The following TMEM131 variants were observed in gnomAD, a reference collection of about 807,000 sequenced individuals.
TMEM131 encodes transmembrane protein 131.
Under a neutral mutation model 211.6 loss-of-function variants are expected in TMEM131, and 66 were observed. That is an observed-to-expected ratio of 0.31 (90% CI 0.26 to 0.38). The LOEUF is 0.38. Ranked by LOEUF, TMEM131 falls within the 10% of genes least tolerant of loss-of-function variation. The probability of loss-of-function intolerance (pLI) is 1.00; values close to 1 mark genes in which losing one functional copy is unlikely to be tolerated. For missense variants in TMEM131, 2,036 were observed against 2,299.3 expected, an observed-to-expected ratio of 0.89 and a Z score of 2.34; for synonymous variants, 844 against 841.3, an observed-to-expected ratio of 1.00 and a Z score of -0.06.
intron 25 of TMEM131, 66 bp downstream of exon 25, chr2:97,801,829 T>C: frequency 1.6e-6 from 2 of 1,221,742 alleles, no homozygotes; most frequent in South Asian, 1.6e-5. Flanking sequence ...ATAATTTTCT[T>C]TCATATTTAT....
chr2:97,848,948 A>G (rs944537337), intron 5 of TMEM131, among the ~76,000 whole-genome samples: 1 of 152,170 alleles, frequency 6.6e-6, no homozygotes, highest in Non-Finnish European at 1.5e-5. Context: ...CACATAAGGA[A>G]CTCTCACGAA....
At chr2:97,956,827 G>T (rs896627162) in intron 1 of TMEM131, among the ~76,000 whole-genome samples, 4 of 152,008 alleles carry the variant, frequency 2.6e-5, no homozygotes, top group African/African-American at 9.6e-5. Flanking sequence ...GGCTGGGCAC[G>T]GTGGCTCACG....
intron 4 of TMEM131, among the ~76,000 whole-genome samples, chr2:97,863,553 G>GA (rs371494667): frequency 2.3e-4 from 35 of 152,142 alleles, no homozygotes; most frequent in East Asian, 1.5e-3. Flanking sequence ...GACTCTAAAG[G>GA]AAAAAATCTA....
chr2:97,970,249 C>T (rs1483691856), intron 1 of TMEM131, among the ~76,000 whole-genome samples: 4 of 152,068 alleles, frequency 2.6e-5, no homozygotes, highest in Admixed American at 6.5e-5. Flanking sequence ...TCCCCTTGGC[C>T]CCAAGGAACT....
intron 31 of TMEM131, among the ~76,000 whole-genome samples, chr2:97,790,033 A>G (rs1368704560): frequency 6.6e-6 from 1 of 152,190 alleles, no homozygotes; most frequent in African/African-American, 2.4e-5. Context: ...GAAACTACAT[A>G]AGCTCATTAT....
intron 1 of TMEM131, among the ~76,000 whole-genome samples, chr2:97,970,026 T>C (rs1001348937): frequency 6.6e-6 from 1 of 152,208 alleles, no homozygotes; most frequent in Non-Finnish European, 1.5e-5. Context: ...AGAATGACTG[T>C]TATAGTACTG....
At chr2:97,988,417 T>C (rs1680122744) in intron 1 of TMEM131, among the ~76,000 whole-genome samples, 1 of 152,190 alleles carries the variant, frequency 6.6e-6, no homozygotes, top group African/African-American at 2.4e-5. Flanking sequence ...ATCTTGGATA[T>C]GACACCAAAA....
Position 97,811,023 on chromosome 2 carries a change from A to T in TMEM131, c.1968+105T>A. 2.4e-6 allele frequency: 2 copies of T among 818,802 alleles called. 1 individual carries two copies. Among genetic ancestry groups the T allele is most frequent in the South Asian group, 3.1e-5 (2 of 64,360 alleles). The allele number at this position is 818,802 out of a possible 1,614,324, so 50.7% of individuals were successfully genotyped here. A position where few individuals can be genotyped will look rare whatever the true frequency, so the allele number is the denominator to read the frequency against. Reference sequence around the variant, plus strand: ...TCAGTTTTTAAGGTATGAAACTGGTAAACTGTAACTCTGAGTAAACTTAAT... The same window carrying T: ...TCAGTTTTTAAGGTATGAAACTGGTTAACTGTAACTCTGAGTAAACTTAAT... On this transcript the variant is annotated intron_variant, in intron 18 of 40. Transcript: ENST00000186436.
chr2:97,823,220 C>A (rs762340869), intron 11 of TMEM131, among the ~76,000 whole-genome samples: 4 of 152,046 alleles, frequency 2.6e-5, no homozygotes, highest in Non-Finnish European at 5.9e-5. Context: ...CAGAAGGAAA[C>A]AAGCAAAGAA....
intron 8 of TMEM131, 125 bp from the exon 9 acceptor site, chr2:97,835,050 G>T: frequency 2.1e-6 from 2 of 968,782 alleles, no homozygotes; most frequent in South Asian, 2.0e-5. Flanking sequence ...TAAAAAAAAT[G>T]CATTGCTAAT....
intron 1 of TMEM131, among the ~76,000 whole-genome samples, chr2:97,972,160 A>G (rs949863461): frequency 5.9e-5 from 9 of 152,284 alleles, no homozygotes; most frequent in Non-Finnish European, 1.0e-4. Flanking sequence ...GTGAGCCGAG[A>G]TCTGCCATTT....
At chr2:97,976,451 TAG>T (rs1242456760) in intron 1 of TMEM131, among the ~76,000 whole-genome samples, 1 of 152,272 alleles carries the variant, frequency 6.6e-6, no homozygotes, top group Non-Finnish European at 1.5e-5. Context: ...ATGAAATACT[TAG>T]AGATAAATAT....
chr2:97,908,729 A>C, intron 2 of TMEM131, 31 bp from the exon 3 acceptor site: 1 of 1,574,424 alleles, frequency 6.4e-7, no homozygotes, highest in Non-Finnish European at 8.7e-7. Flanking sequence ...TGATTAAAAA[A>C]CTGAAGCCAA....
At position 97,759,008 on chromosome 2, in the gene TMEM131, G is replaced by A; in HGVS notation, c.5252C>T (p.Ser1751Leu). ...LGLSRSCNQASQRSWNEFNSG... is the reference protein window; with the variant it reads ...LGLSRSCNQALQRSWNEFNSG... ...ATTAAACTCGTTCCAGCTCCTCTGT[G>A]AGGCCTGATTGCACGATCGAGATAA... Residue 1751 changes from serine (S) to leucine (L), a missense_variant, in exon 40 of 41, where the codon TCA becomes TTA. Transcript: ENST00000186436. 6.2e-7 allele frequency: 1 copy of A among 1,614,060 alleles called. No homozygotes were observed.
At chr2:97,923,507 C>T (rs1046545063) in intron 2 of TMEM131, among the ~76,000 whole-genome samples, 8 of 150,712 alleles carry the variant, frequency 5.3e-5, no homozygotes, top group South Asian at 2.1e-4. Flanking sequence ...CTGTAGTCCC[C>T]GCTACTTGAG....
chr2:97,774,480 G>A (rs1679618424), intron 32 of TMEM131, among the ~76,000 whole-genome samples: 1 of 152,250 alleles, frequency 6.6e-6, no homozygotes, highest in Non-Finnish European at 1.5e-5. Flanking sequence ...TGCTGAGCAG[G>A]AGGAATAACT....
rs1421062281 is a variant in TMEM131 at position 97,867,513 on chromosome 2, G to A, written c.360-8086C>T. ...TATGCTTTTCCCCTAGTGATGCCCT[G>A]CTGTACAAGTAGTGGTCACTGGGGA... On this transcript the variant is annotated intron_variant, in intron 4 of 40. Transcript: ENST00000186436. Among the ~76,000 whole-genome samples the A allele has an allele frequency of 2.0e-5, 3 of 152,164 alleles. No homozygotes were observed. The East Asian group carries it at 5.8e-4, about 29-fold the overall frequency.
Position 97,766,155 on chromosome 2 carries a change from G to A in TMEM131, c.4682C>T (p.Pro1561Leu), listed in dbSNP as rs779757769. The change falls in exon 35 of 41, where the codon CCA becomes CTA. Residue 1561 changes from proline (P) to leucine (L), a missense_variant. Transcript: ENST00000186436. ...AACTGGAACGGAATCCCACTCCGGT[G>A]GAGGAGAGTCTTTTTCACCCTCTGA... Reference protein sequence around the residue: ...SSSEGEKDSPPPEWDSVPVHK... With the variant: ...SSSEGEKDSPLPEWDSVPVHK... 5.0e-6 allele frequency: 8 copies of A among 1,614,032 alleles called. No homozygotes were observed. Among genetic ancestry groups the A allele is most frequent in the Admixed American group, 1.7e-5 (1 of 60,018 alleles).
At chr2:97,849,422 C>T (rs554780776) in intron 5 of TMEM131, among the ~76,000 whole-genome samples, 19 of 152,044 alleles carry the variant, frequency 1.2e-4, no homozygotes, top group Non-Finnish European at 2.4e-4. Flanking sequence ...ACTACACCAA[C>T]CAATATGAAA....
Sources: allele counts gnomAD v4.1 joint callset (sites outside exome capture counted in the v4.1 genomes callset), GRCh38; gene constraint gnomAD v4.1.1; transcripts MANE v1.5; gene names NCBI Gene and HGNC (gene_info 2026-07-23, HGNC 2026-07-21).